The following TRIM71 variants were observed in gnomAD, a reference collection of about 807,000 sequenced individuals.
TRIM71 encodes tripartite motif containing 71, also known as E3 ubiquitin-protein ligase TRIM71.
Under a neutral mutation model 61.2 loss-of-function variants are expected in TRIM71, and 9 were observed. The observed-to-expected ratio is 0.15, with a 90% CI of 0.09 to 0.26. The LOEUF (loss-of-function observed/expected upper bound fraction) is 0.26, where lower values mean the gene tolerates loss of function less well. TRIM71 is among the 10% of genes least tolerant of loss of function. TRIM71 has a pLI of 1.00. For synonymous variants in TRIM71, 645 were observed against 553.2 expected (o/e 1.17, Z -2.33); for missense variants, 998 against 1,238.7 (o/e 0.81, Z 2.92).
At chr3:32,833,140 A>G (rs1465437666) in intron 1 of TRIM71, among the ~76,000 whole-genome samples, 1 of 138,240 alleles carries the variant, frequency 7.2e-6, no homozygotes, top group African/African-American at 2.7e-5. Flanking sequence ...GCACCACTGC[A>G]CCATTGCACT....
intron 1 of TRIM71, among the ~76,000 whole-genome samples, chr3:32,825,564 AT>A (rs1373381005): frequency 6.6e-6 from 1 of 152,168 alleles, no homozygotes; most frequent in Non-Finnish European, 1.5e-5. Flanking sequence ...GGTGAGATGA[AT>A]TCTATACTAT....
intron 1 of TRIM71, among the ~76,000 whole-genome samples, chr3:32,864,075 A>G (rs1160339647): frequency 1.3e-5 from 2 of 152,154 alleles, no homozygotes; most frequent in East Asian, 1.9e-4. Context: ...TTAAACATCC[A>G]AGACTGATTG....
intron 1 of TRIM71, among the ~76,000 whole-genome samples, chr3:32,839,691 C>T (rs1000683748): frequency 1.3e-5 from 2 of 150,720 alleles, no homozygotes; most frequent in Admixed American, 6.6e-5. Flanking sequence ...GGTCCCTTAT[C>T]GCTTTTATCA....
At chr3:32,867,245 A>G (rs1696748245) in intron 1 of TRIM71, among the ~76,000 whole-genome samples, 1 of 151,990 alleles carries the variant, frequency 6.6e-6, no homozygotes, top group Admixed American at 6.6e-5. Context: ...AATCTTGTTC[A>G]GCCAGACAGT....
intron 1 of TRIM71, among the ~76,000 whole-genome samples, chr3:32,833,590 G>A (rs1159128042): frequency 1.3e-5 from 2 of 152,108 alleles, no homozygotes; most frequent in Admixed American, 6.5e-5. Flanking sequence ...TTAAGAGTGA[G>A]AGGGGGAGGT....
intron 1 of TRIM71, among the ~76,000 whole-genome samples, chr3:32,837,347 C>G (rs1209106581): frequency 6.6e-6 from 1 of 152,180 alleles, no homozygotes; most frequent in East Asian, 1.9e-4. Context: ...AGTTCCTTTA[C>G]TGTGTGGCCT....
Position 32,894,236 on chromosome 3 carries a change from G to C in TRIM71, c.*2425G>C, listed in dbSNP as rs1439122172. 1 of 152,008 alleles carries C rather than the reference G, an allele frequency of 6.6e-6. No homozygotes were observed. Among genetic ancestry groups the C allele is most frequent in the Non-Finnish European group, 1.5e-5 (1 of 68,014 alleles). 9.4% of individuals were successfully genotyped at this position (152,008 alleles called of 1,614,324 possible). The stretch of plus-strand genomic sequence containing the variant: ...TGCTTGAAAAAAATTTTATTGAGGA[G>C]ATGGATCTTGATTAAAATCTTTTCA... On this transcript the variant is annotated 3_prime_UTR_variant, in exon 4 of 4. Coordinates refer to ENST00000383763, the MANE Select transcript of TRIM71 (RefSeq NM_001039111.3).
In TRIM71 at chr3:32,818,768, G is replaced by C. The variant is rs1243515999; in HGVS notation, c.688G>C (p.Val230Leu). The C allele has an allele frequency of 6.2e-7, 1 of 1,606,986 alleles. No homozygotes were observed. Residue 230 changes from valine to leucine, a missense_variant, in exon 1 of 4, where the codon GTG becomes CTG. Around this residue, in one of 5 missense-constraint regions of TRIM71, gnomAD observed 527 missense variants for 427.8 expected, o/e 1.23. Coordinates refer to ENST00000383763, the MANE Select transcript of TRIM71 (RefSeq NM_001039111.3). The stretch of plus-strand genomic sequence containing the variant: ...CAACTGCGTCCGAGCGCACCAGCGC[G>C]TGCGCCTCACCAAGGACCACTACAT... ...CDNCVRAHQRVRLTKDHYIER... is the reference protein window; with the variant it reads ...CDNCVRAHQRLRLTKDHYIER...
Position 32,818,119 on chromosome 3 carries a change from G to T in TRIM71, c.39G>T (p.Leu13Phe). 1 of 1,612,594 alleles carries T rather than the reference G, an allele frequency of 6.2e-7. No homozygotes were observed. The highest frequency in any genetic ancestry group is 8.5e-7 in the Non-Finnish European group (1 of 1,179,254). The change falls in exon 1 of 4, where the codon TTG becomes TTT. Residue 13 changes from leucine to phenylalanine, a missense_variant. Leu to Phe is a conservative substitution (Grantham distance 22). This residue lies in a region of TRIM71 where 527 missense variants were observed against 427.8 expected (regional missense o/e 1.23). Coordinates refer to ENST00000383763, the MANE Select transcript of TRIM71 (RefSeq NM_001039111.3). The stretch of plus-strand genomic sequence containing the variant: ...CCGAGACCGATTTCCAGATCTGCTT[G>T]CTGTGCAAGGAGATGTGCGGCTCGC... ...SFPETDFQIC[L>F]LCKEMCGSPA...
At position 32,896,096 on chromosome 3, in the gene TRIM71, T is replaced by C. The variant is rs748848787; in HGVS notation, c.*4285T>C. 6.6e-6 allele frequency: 1 copy of C among 152,238 alleles called. No homozygotes were observed. The highest frequency in any genetic ancestry group is 1.5e-5 in the Non-Finnish European group (1 of 68,046). The allele number at this position is 152,238 out of a possible 1,614,324, so 9.4% of individuals were successfully genotyped here. A position where few individuals can be genotyped will look rare whatever the true frequency, so the allele number is the denominator to read the frequency against. On this transcript the variant is annotated 3_prime_UTR_variant, in exon 4 of 4. Coordinates refer to ENST00000383763, the MANE Select transcript of TRIM71 (RefSeq NM_001039111.3). ...ATACCATTACTGTTGTTCAGTATTA[T>C]GAAACTACTGGTTAATCTGACCTAT...
chr3:32,833,886 G>GA (rs1409026968), intron 1 of TRIM71, among the ~76,000 whole-genome samples: 1 of 151,828 alleles, frequency 6.6e-6, no homozygotes, highest in South Asian at 2.1e-4. Flanking sequence ...GACCATTGGG[G>GA]AAAAAAATGG....
chr3:32,854,629 T>C (rs1696576219), intron 1 of TRIM71, among the ~76,000 whole-genome samples: 1 of 152,234 alleles, frequency 6.6e-6, no homozygotes, highest in South Asian at 2.1e-4. Context: ...TCTGGCTAAA[T>C]CTTTCTAGCC....
Position 32,893,996 on chromosome 3 carries a change from A to AGATTCTACGATT in TRIM71, c.*2186_*2187insATTCTACGATTG. 1 of 152,204 alleles carries AGATTCTACGATT rather than the reference A, an allele frequency of 6.6e-6. No individual in the cohort carries two copies. The highest frequency in any genetic ancestry group is 1.5e-5 in the Non-Finnish European group (1 of 68,038). The allele number at this position is 152,204 out of a possible 1,614,324, so 9.4% of individuals were successfully genotyped here. ...GTGTTAGGAAATGTTGTTTGTTAGA[A>AGATTCTACGATT]GCTCCTTTTACTGTAGAATTTAATA... On this transcript the variant is annotated 3_prime_UTR_variant, in exon 4 of 4. Transcript: ENST00000383763.
chr3:32,888,434 C>CAAAAAAAA (rs56834147), intron 3 of TRIM71, among the ~76,000 whole-genome samples: 1 of 95,842 alleles, frequency 1.0e-5, no homozygotes, highest in African/African-American at 4.5e-5. Flanking sequence ...CCATCTCTAC[C>CAAAAAAAA]AAAAAAAAAA....
At chr3:32,835,675 T>A (rs1696327469) in intron 1 of TRIM71, among the ~76,000 whole-genome samples, 1 of 152,228 alleles carries the variant, frequency 6.6e-6, no homozygotes, top group Admixed American at 6.5e-5. Context: ...GGTCAGCTCA[T>A]AATTGCTGGA....
chr3:32,892,856 T>TG lies in TRIM71; in HGVS notation c.*1046dup, dbSNP rs1428821586. 3 of 152,254 alleles carry TG rather than the reference T, an allele frequency of 2.0e-5. No homozygotes were observed. The East Asian group carries it at 5.8e-4, about 29-fold the overall frequency. 9.4% of individuals were successfully genotyped at this position (152,254 alleles called of 1,614,324 possible). On this transcript the variant is annotated 3_prime_UTR_variant, in exon 4 of 4. Coordinates refer to ENST00000383763, the MANE Select transcript of TRIM71 (RefSeq NM_001039111.3). Reference sequence around the variant, plus strand: ...ACGTGGACATGAATGTGGGTGGACATGCGTGTGCTGAGGGAGTCAGGGAGC... The same window carrying TG: ...ACGTGGACATGAATGTGGGTGGACATGGCGTGTGCTGAGGGAGTCAGGGAGC...
At chr3:32,829,986 T>G (rs952744132) in intron 1 of TRIM71, among the ~76,000 whole-genome samples, 1 of 149,952 alleles carries the variant, frequency 6.7e-6, no homozygotes, top group Non-Finnish European at 1.5e-5. Flanking sequence ...TGGAGTACAG[T>G]TGGCATTATC....
intron 1 of TRIM71, among the ~76,000 whole-genome samples, chr3:32,828,815 A>G (rs565312324): frequency 2.0e-5 from 3 of 151,984 alleles, no homozygotes; most frequent in South Asian, 2.1e-4. Flanking sequence ...TACATTTTAT[A>G]TGACATGTTT....
chr3:32,880,362 T>C (rs955595421), intron 2 of TRIM71, among the ~76,000 whole-genome samples: 1 of 152,214 alleles, frequency 6.6e-6, no homozygotes, highest in Non-Finnish European at 1.5e-5. Context: ...GTTTGTGTGA[T>C]TGTTGTAACC....
Sources: gnomAD v4.1 joint callset for allele counts (sites outside exome capture counted in the v4.1 genomes callset) on GRCh38, gnomAD v4.1.1 for gene constraint, gnomAD v4.1.1 regional missense constraint, MANE v1.5 for transcripts, NCBI Gene and HGNC (gene_info 2026-07-23, HGNC 2026-07-21) for gene names.